The following NEMP1 variants were observed in gnomAD, a reference collection of about 807,000 sequenced individuals.
NEMP1 encodes nuclear envelope integral membrane protein 1, also known as transmembrane protein 194.
NEMP1 carries 29 observed loss-of-function variants against 53.7 expected under a neutral mutation model. That is an observed-to-expected ratio of 0.54 (90% CI 0.40 to 0.74). The LOEUF (loss-of-function observed/expected upper bound fraction) is 0.74, where lower values mean the gene tolerates loss of function less well. NEMP1 is among the 30% of genes least tolerant of loss of function. NEMP1 has a pLI of 0.00. For missense variants in NEMP1, 477 were observed against 528.6 expected (o/e 0.90, Z 0.96); for synonymous variants, 193 against 192.9 (o/e 1.00, Z 0.00).
chr12:57,068,575 CT>C (rs1156927311), intron 4 of NEMP1, among the ~76,000 whole-genome samples: 3 of 151,572 alleles, frequency 2.0e-5, no homozygotes, highest in East Asian at 1.9e-4. Context: ...TATTTGTTTC[CT>C]TTTTTTTGAG....
intron 1 of NEMP1, among the ~76,000 whole-genome samples, chr12:57,087,641 C>T (rs929188877): frequency 6.6e-6 from 1 of 152,152 alleles, no homozygotes; most frequent in African/African-American, 2.4e-5. Context: ...CCACCAACAA[C>T]GCGCTCCTTC....
intron 1 of NEMP1, among the ~76,000 whole-genome samples, chr12:57,073,709 C>G (rs1229300659): frequency 6.6e-6 from 1 of 152,148 alleles, no homozygotes; most frequent in East Asian, 1.9e-4. Flanking sequence ...ATGCTCCCAA[C>G]AATGCTATGA....
At chr12:57,067,896 A>G (rs776091406) in intron 4 of NEMP1, among the ~76,000 whole-genome samples, 58 of 152,278 alleles carry the variant, frequency 3.8e-4, no homozygotes, top group Non-Finnish European at 5.4e-4. Flanking sequence ...CAGACTCCCA[A>G]GTAGCTGGGA....
At position 57,063,168 on chromosome 12, in the gene NEMP1, A is replaced by C. The variant is rs752836060; in HGVS notation, c.931T>G (p.Cys311Gly). The part of the protein sequence containing the change: ...IALAIIIIAL[C>G]TKNLEHPIQW... ...ATAGGGTGTTCCAGGTTCTTAGTAC[A>C]AAGAGCAATGATGATAATGGCAAGG... The change falls in exon 7 of 9, where the codon TGT (cysteine) becomes GGT (glycine). Residue 311 changes from cysteine (C) to glycine (G), a missense_variant. By Grantham distance (159) the Cys-to-Gly change is radical. Transcript: ENST00000300128. 1 of 1,614,190 alleles carries C rather than the reference A, an allele frequency of 6.2e-7. No individual in the cohort carries two copies. Among genetic ancestry groups the C allele is most frequent in the South Asian group, 1.1e-5 (1 of 91,082 alleles).
At chr12:57,078,563 T>C (rs1410601406) in intron 1 of NEMP1, 56 bp downstream of exon 1, 17 of 1,563,390 alleles carry the variant, frequency 1.1e-5, no homozygotes, top group East Asian at 2.3e-5. Flanking sequence ...CAATCCCTTT[T>C]CCAAAAATAA....
At chr12:57,063,078 A>G (rs1302163852) in intron 7 of NEMP1, 41 bp downstream of exon 7, 2 of 1,513,190 alleles carry the variant, frequency 1.3e-6, no homozygotes, top group Admixed American at 1.7e-5. Flanking sequence ...TGCATCCCAC[A>G]ATGTACCTGT....
intron 1 of NEMP1, among the ~76,000 whole-genome samples, chr12:57,076,304 A>T (rs1009015408): frequency 6.6e-6 from 1 of 151,722 alleles, no homozygotes; most frequent in African/African-American, 2.4e-5. Flanking sequence ...GTGGGAAGTT[A>T]CAGTGAGCTA....
intron 1 of NEMP1, among the ~76,000 whole-genome samples, chr12:57,075,776 G>T (rs1394400665): frequency 6.6e-6 from 1 of 151,398 alleles, no homozygotes; most frequent in Non-Finnish European, 1.5e-5. Context: ...AGACCAGCCT[G>T]GCCAACATGG....
intron 6 of NEMP1, 64 bp from the exon 7 acceptor site, chr12:57,063,408 G>A: frequency 3.7e-6 from 5 of 1,356,914 alleles, no homozygotes; most frequent in Non-Finnish European, 5.2e-6. Context: ...AATTTGTGTG[G>A]GAAGCAGTAG....
rs569314002 is a variant in NEMP1, at chr12:57,059,273, G to A, written c.*606C>T. ...AATCCATATTAATAAATATGTAGGG[G>A]CCTAGGGGGTGTGTCACTCTGGAGC... On this transcript the variant is annotated 3_prime_UTR_variant, in exon 9 of 9. Coordinates refer to ENST00000300128, the MANE Select transcript of NEMP1 (RefSeq NM_001130963.2). 2 of 152,312 alleles carry A rather than the reference G, an allele frequency of 1.3e-5. No homozygotes were observed. Among genetic ancestry groups the A allele is most frequent in the African/African-American group, 2.4e-5 (1 of 41,542 alleles). The allele number at this position is 152,312 out of a possible 1,614,324, so 9.4% of individuals were successfully genotyped here.
At chr12:57,068,282 C>T (rs1465822916) in intron 4 of NEMP1, among the ~76,000 whole-genome samples, 5 of 151,904 alleles carry the variant, frequency 3.3e-5, no homozygotes, top group Admixed American at 3.3e-4. Flanking sequence ...ATATTTTCTT[C>T]ATATTTGTAC....
At position 57,058,678 on chromosome 12, in the gene NEMP1, G is replaced by A. The variant is rs1437260475; in HGVS notation, c.*1201C>T. 1 of 152,246 alleles carries A rather than the reference G, an allele frequency of 6.6e-6. No individual in the cohort carries two copies. Among genetic ancestry groups the A allele is most frequent in the Non-Finnish European group, 1.5e-5 (1 of 68,050 alleles). The allele number at this position is 152,246 out of a possible 1,614,324, so 9.4% of individuals were successfully genotyped here. A position where few individuals can be genotyped will look rare whatever the true frequency, so the allele number is the denominator to read the frequency against. On this transcript the variant is annotated 3_prime_UTR_variant, in exon 9 of 9. Transcript: ENST00000300128. ...CAGCTGAATGAGCACCCAGAGGCAT[G>A]AAGATAACCTGGAGCCTATTTCCTG...
At chr12:57,066,959 G>C (rs1234402724) in intron 4 of NEMP1, among the ~76,000 whole-genome samples, 2 of 152,158 alleles carry the variant, frequency 1.3e-5, no homozygotes, top group Non-Finnish European at 2.9e-5. Flanking sequence ...CAGCCACCAG[G>C]AACTGTGAGT....
Position 57,069,324 on chromosome 12 carries a change from T to G in NEMP1, c.473-18A>C. ...ATCAAATCCTGAAATAAATAAAGAT[T>G]TTTGCTTAATAAGGGAACAAAACTG... On this transcript the variant is annotated intron_variant, in intron 3 of 8. Coordinates refer to ENST00000300128, the MANE Select transcript of NEMP1 (RefSeq NM_001130963.2). 8 of 1,519,674 alleles carry G rather than the reference T, an allele frequency of 5.3e-6. No homozygotes were observed. Among genetic ancestry groups the G allele is most frequent in the Non-Finnish European group, 7.1e-6 (8 of 1,126,566 alleles). 94.1% of individuals were successfully genotyped at this position (1,519,674 alleles called of 1,614,324 possible). A position where few individuals can be genotyped will look rare whatever the true frequency, so the allele number is the denominator to read the frequency against.
At chr12:57,064,337 T>C in intron 5 of NEMP1, 152 bp from the exon 6 acceptor site, 1 of 578,670 alleles carries the variant, frequency 1.7e-6, no homozygotes, top group Non-Finnish European at 3.0e-6. Context: ...CCTTTATACT[T>C]AAAATGGTAC....
chr12:57,060,761 G>A lies in NEMP1; in HGVS notation c.1154+11C>T. The A allele has an allele frequency of 6.2e-7, 1 of 1,608,380 alleles. No homozygotes were observed. The highest frequency in any genetic ancestry group is 1.1e-5 in the South Asian group (1 of 90,120). On this transcript the variant is annotated intron_variant, in intron 8 of 8. Coordinates refer to ENST00000300128, the MANE Select transcript of NEMP1 (RefSeq NM_001130963.2). ...CCCTGATAGATGCTTGGTATATCTG[G>A]CCGAGTTTACCTTTTTGGAGACTGG...
upstream of NEMP1, among the ~76,000 whole-genome samples, chr12:57,081,135 C>T (rs1242336456): frequency 6.6e-6 from 1 of 152,172 alleles, no homozygotes; most frequent in Non-Finnish European, 1.5e-5. Context: ...CATAACACCA[C>T]TCTAATCTTG....
intron 2 of NEMP1, among the ~76,000 whole-genome samples, chr12:57,071,408 C>T (rs2136505600): frequency 6.6e-6 from 1 of 151,866 alleles, no homozygotes; most frequent in Middle Eastern, 3.4e-3. Flanking sequence ...GATGGAGTCT[C>T]GCTCTGTCGC....
Position 57,056,082 on chromosome 12 carries a change from T to C in NEMP1, c.*3797A>G, listed in dbSNP as rs574159824. 1 of 152,354 alleles carries C rather than the reference T, an allele frequency of 6.6e-6. No individual in the cohort carries two copies. Among genetic ancestry groups the C allele is most frequent in the Admixed American group, 6.5e-5 (1 of 15,298 alleles). The allele number at this position is 152,354 out of a possible 1,614,324, so 9.4% of individuals were successfully genotyped here. A position where few individuals can be genotyped will look rare whatever the true frequency, so the allele number is the denominator to read the frequency against. ...AGAGGAAGATGACACACACGTGGGA[T>C]GGTGTGGAAATCCAAAGCCCCACAT... On this transcript the variant is annotated 3_prime_UTR_variant, in exon 9 of 9. Transcript: ENST00000300128.
Sources: gnomAD v4.1 joint callset for allele counts (sites outside exome capture counted in the v4.1 genomes callset) on GRCh38, gnomAD v4.1.1 for gene constraint, MANE v1.5 for transcripts, NCBI Gene and HGNC (gene_info 2026-07-23, HGNC 2026-07-21) for gene names.